Variants in MKI67 observed in about 807,000 individuals in gnomAD.
MKI67 encodes proliferation marker protein Ki-67.
Under a neutral mutation model 233.5 loss-of-function variants are expected in MKI67, and 152 were observed. The ratio of observed to expected loss-of-function variants is 0.65; its 90% confidence interval spans 0.57 to 0.74. The LOEUF (loss-of-function observed/expected upper bound fraction) is 0.74, where lower values mean the gene tolerates loss of function less well. Ranked by LOEUF, MKI67 falls within the 30% of genes least tolerant of loss-of-function variation. The pLI, the probability that MKI67 is intolerant of heterozygous loss-of-function variation, is 0.00. For missense variants in MKI67, 3,940 were observed against 3,885.2 expected (o/e 1.01, Z -0.37); for synonymous variants, 1,465 against 1,418.5 (o/e 1.03, Z -0.74).
At chr10:128,110,208 G>T (rs1480613337) in intron 12 of MKI67, among the ~76,000 whole-genome samples, 170 bp downstream of exon 12, 4 of 152,206 alleles carry the variant, frequency 2.6e-5, no homozygotes, top group Admixed American at 6.5e-5. Flanking sequence ...GCCAATGTTA[G>T]TTCAACTGCT....
Position 128,104,089 on chromosome 10 carries a change from AT to A in MKI67, c.7750del (p.Ile2584PhefsTer10). On this transcript the variant is annotated frameshift_variant, in exon 13 of 15. Coordinates refer to ENST00000368654, the MANE Select transcript of MKI67 (RefSeq NM_002417.5). LOFTEE classifies it high-confidence loss of function. ...ESMTIDKNTK[I>X]PCKSPPPELT... ...TTCTGGTGGGGGAGATTTGCAGGGA[AT>A]TTTTGTGTTTTTGTCAATAGTCATT... 2 of 1,613,708 alleles carry A rather than the reference AT, an allele frequency of 1.2e-6. No individual in the cohort carries two copies. The highest frequency in any genetic ancestry group is 1.7e-6 in the Non-Finnish European group (2 of 1,179,956).
At position 128,111,823 on chromosome 10, in the gene MKI67, A is replaced by T; in HGVS notation, c.2089-7T>A. On this transcript the variant is annotated splice_region_variant and splice_polypyrimidine_tract_variant and intron_variant, in intron 10 of 14. Transcript: ENST00000368654. The stretch of plus-strand genomic sequence containing the variant: ...GAACTTCGCCCACAGGCTTCTGTAG[A>T]AAACAGGAAGGAGGTAAACAGGACA... The T allele has an allele frequency of 6.2e-7, 1 of 1,612,156 alleles. No individual in the cohort carries two copies. Among genetic ancestry groups the T allele is most frequent in the South Asian group, 1.1e-5 (1 of 90,572 alleles).
chr10:128,112,434 T>A lies in MKI67; in HGVS notation c.1668A>T (p.Gln556His), dbSNP rs377121474. 2.5e-6 allele frequency: 4 copies of A among 1,613,850 alleles called. No individual in the cohort carries two copies. Among genetic ancestry groups the A allele is most frequent in the Non-Finnish European group, 3.4e-6 (4 of 1,179,868 alleles). The change falls in exon 9 of 15, where the codon CAA becomes CAT. Residue 556 changes from glutamine (Q) to histidine (H), a missense_variant. Coordinates refer to ENST00000368654, the MANE Select transcript of MKI67 (RefSeq NM_002417.5). ...AACCTGACTCTTGTTTTCCTGATGGTTGAGGCTGTTCCTGACAAGACAAAA... is the reference window on the plus strand; with the variant it reads ...AACCTGACTCTTGTTTTCCTGATGGATGAGGCTGTTCCTGACAAGACAAAA... ...VLKKIIKEQP[Q>H]PSGKQESGSE...
chr10:128,102,518 A>G, intron 13 of MKI67, 61 bp downstream of exon 13: 1 of 1,565,794 alleles, frequency 6.4e-7, no homozygotes. Context: ...TGCAAAGTAT[A>G]ACACAGAAAT....
In MKI67 at chr10:128,107,326, G is replaced by A. The variant is rs1429772364; in HGVS notation, c.4514C>T (p.Thr1505Ile). The stretch of plus-strand genomic sequence containing the variant: ...TCTCTTGGACTGTGGCTTGGAGCTT[G>A]TTGGTGTGTCCACTGGGTCTGGTTG... ...RSQPDPVDTP[T>I]SSKPQSKRSL... is the part of the protein sequence containing the mutation. The change falls in exon 13 of 15, where the codon ACA becomes ATA. Residue 1505 changes from threonine to isoleucine, a missense_variant. Thr to Ile is a moderately conservative substitution (Grantham distance 89, BLOSUM62 -1). Coordinates refer to ENST00000368654, the MANE Select transcript of MKI67 (RefSeq NM_002417.5). 1.9e-6 allele frequency: 3 copies of A among 1,613,972 alleles called. No homozygotes were observed. Among genetic ancestry groups the A allele is most frequent in the Admixed American group, 3.3e-5 (2 of 59,998 alleles).
rs776462983 is a variant in MKI67 at position 128,108,570 on chromosome 10, T to C, written c.3270A>G (p.Arg1090=). The C allele has an allele frequency of 1.2e-6, 2 of 1,614,078 alleles. No individual in the cohort carries two copies. The highest frequency in any genetic ancestry group is 1.7e-6 in the Non-Finnish European group (2 of 1,180,044). The change falls in exon 13 of 15, where the codon AGA becomes AGG. Residue 1090 remains arginine (R), a synonymous_variant. Transcript: ENST00000368654. ...GTGACTGGGCCTCTTCCTTAGGCGTTCTTGGCCACTTCTTCATTCCAGTTA... is the reference window on the plus strand; with the variant it reads ...GTGACTGGGCCTCTTCCTTAGGCGTCCTTGGCCACTTCTTCATTCCAGTTA... ...ARVTGMKKWP[R]TPKEEAQSLE...
chr10:128,114,772 T>C (rs1314311815), intron 7 of MKI67, among the ~76,000 whole-genome samples, 156 bp downstream of exon 7: 2 of 152,240 alleles, frequency 1.3e-5, no homozygotes, highest in Admixed American at 1.3e-4. Flanking sequence ...ATTCATCTAT[T>C]AGCGAAAACA....
At position 128,106,208 on chromosome 10, in the gene MKI67, T is replaced by A; in HGVS notation, c.5632A>T (p.Lys1878Ter). The A allele has an allele frequency of 6.2e-7, 1 of 1,613,850 alleles. No homozygotes were observed. Among genetic ancestry groups the A allele is most frequent in the East Asian group, 2.2e-5 (1 of 44,842 alleles). The change falls in exon 13 of 15, where the codon AAG becomes TAG. Residue 1878 changes from lysine (K) to a stop codon, truncating the protein, a stop_gained. Coordinates refer to ENST00000368654, the MANE Select transcript of MKI67 (RefSeq NM_002417.5). LOFTEE classifies it high-confidence loss of function. ...ACGTCTGCTTTCTTGAGGCTTCTCTTGGGCCGTTGCTTTGTGTTTGTTGGG... is the reference window on the plus strand; with the variant it reads ...ACGTCTGCTTTCTTGAGGCTTCTCTAGGGCCGTTGCTTTGTGTTTGTTGGG... ...DTPTNTKQRP[K>*]RSLKKADVEE...
chr10:128,121,770 T>A (rs1852953920), intron 4 of MKI67, among the ~76,000 whole-genome samples: 1 of 151,536 alleles, frequency 6.6e-6, no homozygotes, highest in African/African-American at 2.4e-5. Context: ...TCTGTATAGT[T>A]ATGTATATTA....
Position 128,111,976 on chromosome 10 carries a change from C to G in MKI67, c.2039G>C (p.Gly680Ala). The change falls in exon 10 of 15, where the codon GGT becomes GCT. Residue 680 changes from glycine (G) to alanine (A), a missense_variant. Gly to Ala is a moderately conservative substitution (Grantham distance 60). Transcript: ENST00000368654. ...CCTTTTGTTCATTGACCTTTGAGGA[C>G]CATGTTTTATGACTTTAGTTTGTGT... Reference protein sequence around the residue: ...KQTQTKVIKHGPQRSMNKRQR... With the variant: ...KQTQTKVIKHAPQRSMNKRQR... 6.2e-7 allele frequency: 1 copy of G among 1,613,696 alleles called. No homozygotes were observed. The highest frequency in any genetic ancestry group is 1.7e-5 in the Admixed American group (1 of 59,930).
chr10:128,099,407 A>G (rs1462772542), intron 14 of MKI67, 152 bp from the exon 15 acceptor site: 2 of 481,140 alleles, frequency 4.2e-6, no homozygotes. Flanking sequence ...AAGTTTTAAA[A>G]TATATTCCAT....
At chr10:128,100,181 GTC>G (rs1038944001) in intron 14 of MKI67, among the ~76,000 whole-genome samples, 3 of 152,170 alleles carry the variant, frequency 2.0e-5, no homozygotes, top group Non-Finnish European at 4.4e-5. Context: ...CAGAAGTACA[GTC>G]TCTGACTTAG....
Position 128,104,268 on chromosome 10 carries a change from C to G in MKI67, c.7572G>C (p.Ala2524=). ...GGATCTGCTTTGGAGACTCCTTAAACGCTTTGATGCTCTTACTATCTCCTG... is the reference window on the plus strand; with the variant it reads ...GGATCTGCTTTGGAGACTCCTTAAAGGCTTTGATGCTCTTACTATCTCCTG... ...EPTGDSKSIK[A]FKESPKQILD... is the part of the protein sequence containing the mutation. Residue 2524 remains alanine (A), a synonymous_variant, in exon 13 of 15, where the codon GCG becomes GCC. Coordinates refer to ENST00000368654, the MANE Select transcript of MKI67 (RefSeq NM_002417.5). 1 of 1,614,042 alleles carries G rather than the reference C, an allele frequency of 6.2e-7. No homozygotes were observed. Among genetic ancestry groups the G allele is most frequent in the Non-Finnish European group, 8.5e-7 (1 of 1,180,032 alleles).
chr10:128,112,867 G>A (rs896180295), intron 8 of MKI67, among the ~76,000 whole-genome samples: 13 of 152,204 alleles, frequency 8.5e-5, no homozygotes, highest in African/African-American at 2.4e-4. Context: ...AAGAAAGACC[G>A]CCCAGGCCCT....
At position 128,097,557 on chromosome 10, in the gene MKI67, T is replaced by C. The variant is rs564123637; in HGVS notation, c.*1633A>G. On this transcript the variant is annotated 3_prime_UTR_variant, in exon 15 of 15. Coordinates refer to ENST00000368654, the MANE Select transcript of MKI67 (RefSeq NM_002417.5). The stretch of plus-strand genomic sequence containing the variant: ...CTGGATGAAATTTTTCTATGTGAGG[T>C]TCATAATTACTACTAAGTCTAAAGT... 2.0e-5 allele frequency: 3 copies of C among 152,062 alleles called. No homozygotes were observed. Among genetic ancestry groups the C allele is most frequent in the Non-Finnish European group, 4.4e-5 (3 of 68,010 alleles). 9.4% of individuals were successfully genotyped at this position (152,062 alleles called of 1,614,324 possible).
rs1306484553 is a variant in MKI67, at chr10:128,104,036, T to C, written c.7804A>G (p.Arg2602Gly). The C allele has an allele frequency of 1.2e-6, 2 of 1,614,002 alleles. No homozygotes were observed. The highest frequency in any genetic ancestry group is 1.7e-6 in the Non-Finnish European group (2 of 1,180,034). ...ELTDTATSTK[R>G]CPKTRPRKEV... ...TTCCTGGGACGTGTCTTGGGGCATC[T>C]CTTTGTGCTCGTGGCAGTGTCTGTT... is the stretch of plus-strand genomic sequence containing the variant. Residue 2602 changes from arginine (R) to glycine (G), a missense_variant, in exon 13 of 15, where the codon AGA becomes GGA. By Grantham distance (125) the Arg-to-Gly change is moderately radical. Coordinates refer to ENST00000368654, the MANE Select transcript of MKI67 (RefSeq NM_002417.5).
At chr10:128,121,389 A>G (rs1293644348) in intron 4 of MKI67, among the ~76,000 whole-genome samples, 1 of 143,172 alleles carries the variant, frequency 7.0e-6, no homozygotes, top group Non-Finnish European at 1.5e-5. Flanking sequence ...TATAATATAA[A>G]TATATTGTAT....
At position 128,115,789 on chromosome 10, in the gene MKI67, A is replaced by C. The variant is rs1198373241; in HGVS notation, c.619T>G (p.Ser207Ala). ...TAACGGCTCACTAATTTAACGCTGGAAATTTCTTTAAAATCCCCAGAAATG... is the reference window on the plus strand; with the variant it reads ...TAACGGCTCACTAATTTAACGCTGGCAATTTCTTTAAAATCCCCAGAAATG... ...DPISGDFKEI[S>A]SVKLVSRYGE... Residue 207 changes from serine to alanine, a missense_variant, in exon 7 of 15, where the codon TCC becomes GCC. Physicochemically the swap from Ser to Ala is moderately conservative, Grantham distance 99. Coordinates refer to ENST00000368654, the MANE Select transcript of MKI67 (RefSeq NM_002417.5). The C allele has an allele frequency of 6.2e-7, 1 of 1,612,108 alleles. No homozygotes were observed. Among genetic ancestry groups the C allele is most frequent in the East Asian group, 2.2e-5 (1 of 44,886 alleles).
At chr10:128,118,162 C>T (rs1461405745) in intron 5 of MKI67, among the ~76,000 whole-genome samples, 3 of 152,098 alleles carry the variant, frequency 2.0e-5, no homozygotes, top group African/African-American at 7.2e-5. Flanking sequence ...CTTTGGGAGG[C>T]CCAGGTGGGT....
Sources: gnomAD v4.1 joint callset for allele counts (sites outside exome capture counted in the v4.1 genomes callset) on GRCh38, gnomAD v4.1.1 for gene constraint, MANE v1.5 for transcripts, NCBI Gene and HGNC (gene_info 2026-07-23, HGNC 2026-07-21) for gene names.